The following PAX3 variants were observed in gnomAD, a reference collection of about 807,000 sequenced individuals.
The protein encoded by PAX3 is paired box protein Pax-3.
In PAX3, 14 loss-of-function variants were observed where a neutral mutation model predicts 51.6. The ratio of observed to expected loss-of-function variants is 0.27; its 90% CI spans 0.18 to 0.42. PAX3 has a LOEUF of 0.42. Among genes scored for constraint, PAX3 ranks in the 10% least tolerant of loss-of-function variants. The pLI is 1.00. For missense variants in PAX3, 540 were observed against 642.8 expected (o/e 0.84, Z 1.73); for synonymous variants, 280 against 253.4 (o/e 1.11, Z -1.00).
chr2:222,221,253 C>G lies in PAX3; in HGVS notation c.927G>C (p.Glu309Asp), dbSNP rs926262801. 7 of 1,613,890 alleles carry G rather than the reference C, an allele frequency of 4.3e-6. No individual in the cohort carries two copies. Among genetic ancestry groups the G allele is most frequent in the Non-Finnish European group, 5.9e-6 (7 of 1,179,948 alleles). ...GAATAGATGTGGGCTGGTAAGAGGT[C>G]TCCGACAGCTGGTACGTTGGCAAGG... ...MPTLPTYQLS[E>D]TSYQPTSIPQ... is the part of the protein sequence containing the mutation. The change falls in exon 6 of 9, where the codon GAG (glutamate) becomes GAC (aspartate). Residue 309 changes from glutamate to aspartate, a missense_variant. Glu to Asp is a conservative substitution (Grantham distance 45). This residue lies in a region of PAX3 where 427 missense variants were observed against 483.6 expected (regional missense o/e 0.88). Coordinates refer to ENST00000392070, the MANE Select transcript of PAX3 (RefSeq NM_181458.4).
chr2:222,230,854 C>CA (rs5838938), intron 5 of PAX3, among the ~76,000 whole-genome samples: 64,568 of 108,396 alleles, frequency 0.6, 19,534 homozygotes, highest in Non-Finnish European at 0.69. Context: ...GACTCCACCT[C>CA]AAAAAAAAAA....
chr2:222,260,607 T>C (rs1412519875), intron 4 of PAX3, among the ~76,000 whole-genome samples: 1 of 122,006 alleles, frequency 8.2e-6, no homozygotes, highest in African/African-American at 2.9e-5. Context: ...TTTTTTTTTT[T>C]TTGAGGCAAA....
At position 222,297,173 on chromosome 2, in the gene PAX3, G is replaced by A. The variant is rs369680052; in HGVS notation, c.126C>T (p.Gly42=). The change falls in exon 2 of 9, where the codon GGC becomes GGT. Residue 42 remains glycine (G), a synonymous_variant. Coordinates refer to ENST00000392070, the MANE Select transcript of PAX3 (RefSeq NM_181458.4). ...GCGGCCTGCCGTTGATAAAAACACC[G>A]CCGAGCTGGTTGACGCGGCCCTGGC... ...PLGQGRVNQL[G]GVFINGRPLP... is the part of the protein sequence containing the mutation. The A allele has an allele frequency of 6.3e-7, 1 of 1,598,052 alleles. No individual in the cohort carries two copies. Among genetic ancestry groups the A allele is most frequent in the South Asian group, 1.1e-5 (1 of 88,738 alleles).
chr2:222,243,096 A>G (rs1449533300), intron 4 of PAX3, among the ~76,000 whole-genome samples: 1 of 152,208 alleles, frequency 6.6e-6, no homozygotes, highest in Non-Finnish European at 1.5e-5. Flanking sequence ...ACAAAACCTA[A>G]ACAGCTTTAT....
intron 7 of PAX3, among the ~76,000 whole-genome samples, chr2:222,216,006 A>T (rs1691941219): frequency 6.6e-6 from 1 of 152,184 alleles, no homozygotes; most frequent in African/African-American, 2.4e-5. Context: ...CCTCTCACGC[A>T]TCACTGAGAA....
At chr2:222,213,295 C>A (rs1387262869) in intron 7 of PAX3, among the ~76,000 whole-genome samples, 1 of 152,136 alleles carries the variant, frequency 6.6e-6, no homozygotes, top group African/African-American at 2.4e-5. Context: ...GTGTAGCGAC[C>A]ACAGCCTTAG....
chr2:222,296,552 G>C (rs1251804693), intron 2 of PAX3, among the ~76,000 whole-genome samples: 2 of 152,094 alleles, frequency 1.3e-5, no homozygotes, highest in Non-Finnish European at 2.9e-5. Context: ...GGCGGGGTTT[G>C]GGAGACAAAC....
intron 4 of PAX3, among the ~76,000 whole-genome samples, chr2:222,238,571 A>G (rs908380546): frequency 1.3e-5 from 2 of 152,234 alleles, no homozygotes; most frequent in African/African-American, 4.8e-5. Flanking sequence ...TGCCCTAGAT[A>G]TAATACAATG....
At chr2:222,237,021 C>T (rs868849387) in intron 4 of PAX3, among the ~76,000 whole-genome samples, 3 of 152,088 alleles carry the variant, frequency 2.0e-5, no homozygotes, top group African/African-American at 7.2e-5. Context: ...ATTATTAAAA[C>T]CCCTTTACAA....
chr2:222,235,287 T>C (rs1268712979), intron 4 of PAX3, among the ~76,000 whole-genome samples: 1 of 152,194 alleles, frequency 6.6e-6, no homozygotes, highest in African/African-American at 2.4e-5. Context: ...TCTGCCTTGT[T>C]CACTGCTGGA....
chr2:222,277,564 C>G (rs1404501571), intron 4 of PAX3, among the ~76,000 whole-genome samples: 1 of 152,158 alleles, frequency 6.6e-6, no homozygotes, highest in African/African-American at 2.4e-5. Flanking sequence ...CAAGCTTGTT[C>G]AACCCGTGGC....
intron 4 of PAX3, 148 bp downstream of exon 4, chr2:222,294,019 T>C (rs1695149487): frequency 6.5e-7 from 1 of 1,550,080 alleles, no homozygotes; most frequent in African/African-American, 1.4e-5. Context: ...GGTCTTTCAG[T>C]TCCATGTCGT....
intron 4 of PAX3, among the ~76,000 whole-genome samples, chr2:222,261,960 C>A (rs1240405559): frequency 2.0e-5 from 3 of 152,202 alleles, no homozygotes; most frequent in Non-Finnish European, 4.4e-5. Flanking sequence ...CAAAGTAGAA[C>A]TTTCCCAGCA....
intron 4 of PAX3, among the ~76,000 whole-genome samples, chr2:222,233,373 A>G (rs962872828): frequency 2.0e-4 from 31 of 152,282 alleles, no homozygotes; most frequent in Admixed American, 7.8e-4. Flanking sequence ...AAATTACGTT[A>G]ATGATACAAA....
At position 222,268,547 on chromosome 2, in the gene PAX3, G is replaced by A. The variant is rs561856942; in HGVS notation, c.586+25620C>T. 4.2e-4 allele frequency among the ~76,000 whole-genome samples: 64 copies of A among 152,240 alleles called. No individual in the cohort carries two copies. The South Asian group carries it at 0.013, about 31-fold the overall frequency. ...GCTTTCCGGTTGCCTCTCCCCAAGG[G>A]TGTTTCAATAACCAGGCACAACGGG... On this transcript the variant is annotated intron_variant, in intron 4 of 8. Coordinates refer to ENST00000392070, the MANE Select transcript of PAX3 (RefSeq NM_181458.4).
At chr2:222,269,852 C>T (rs1234791777) in intron 4 of PAX3, among the ~76,000 whole-genome samples, 8 of 152,126 alleles carry the variant, frequency 5.3e-5, no homozygotes, top group African/African-American at 1.7e-4. Flanking sequence ...GCCACCTTCA[C>T]AAAAAATGTG....
At chr2:222,278,842 C>T (rs918302778) in intron 4 of PAX3, among the ~76,000 whole-genome samples, 2 of 152,258 alleles carry the variant, frequency 1.3e-5, no homozygotes, top group Non-Finnish European at 2.9e-5. Flanking sequence ...TTCATTCCTT[C>T]ATGGTAAGTT....
intron 7 of PAX3, among the ~76,000 whole-genome samples, chr2:222,205,957 C>T (rs77177529): frequency 0.075 from 11,404 of 152,208 alleles, 605 homozygotes; most frequent in Admixed American, 0.11. Flanking sequence ...GTCTTCCAGT[C>T]ACATTTTCTT....
intron 5 of PAX3, among the ~76,000 whole-genome samples, chr2:222,230,236 C>T (rs1398983592): frequency 2.0e-5 from 3 of 152,060 alleles, no homozygotes; most frequent in Non-Finnish European, 4.4e-5. Flanking sequence ...TTCAAGATCT[C>T]ATCCCTTGAG....
Sources: gnomAD v4.1 joint callset for allele counts (sites outside exome capture counted in the v4.1 genomes callset) on GRCh38, gnomAD v4.1.1 for gene constraint, gnomAD v4.1.1 regional missense constraint, MANE v1.5 for transcripts, NCBI Gene and HGNC (gene_info 2026-07-23, HGNC 2026-07-21) for gene names.